The following CHL1 variants were observed in gnomAD, a reference collection of about 807,000 sequenced individuals.
CHL1 encodes cell adhesion molecule L1 like.
A neutral mutation model predicts 141.9 loss-of-function variants in CHL1; 96 were observed. The ratio of observed to expected loss-of-function variants is 0.68; its 90% confidence interval spans 0.57 to 0.80. The LOEUF (loss-of-function observed/expected upper bound fraction) is 0.80. Ranked by LOEUF, CHL1 falls within the 30% of genes least tolerant of loss-of-function variation. The pLI is 0.00. For missense variants in CHL1, 1,820 were observed against 1,457.2 expected (o/e 1.25, Z -4.05); for synonymous variants, 613 against 502.2 (o/e 1.22, Z -2.95).
intron 11 of CHL1, 28 bp downstream of exon 11, chr3:354,799 A>G (rs1703574944): frequency 3.7e-6 from 6 of 1,611,728 alleles, no homozygotes; most frequent in South Asian, 1.1e-5. Flanking sequence ...TTGCAATGCA[A>G]TGCTGAAGGC....
intron 3 of CHL1, among the ~76,000 whole-genome samples, chr3:321,428 A>T (rs1233727754): frequency 6.6e-6 from 1 of 152,054 alleles, no homozygotes; most frequent in Non-Finnish European, 1.5e-5. Flanking sequence ...AAGTACCTTC[A>T]TCTTTAGTGA....
chr3:337,195 T>A (rs1399518183), intron 5 of CHL1, among the ~76,000 whole-genome samples: 3 of 145,272 alleles, frequency 2.1e-5, no homozygotes, highest in African/African-American at 7.6e-5. Context: ...GTTTTTGTTT[T>A]TTTTTTTTTT....
chr3:248,784 A>C (rs116751087), intron 2 of CHL1, among the ~76,000 whole-genome samples: 50 of 152,262 alleles, frequency 3.3e-4, no homozygotes, highest in African/African-American at 1.2e-3. Flanking sequence ...TATAATCACC[A>C]TTAAATTATT....
intron 3 of CHL1, among the ~76,000 whole-genome samples, chr3:324,605 C>CTTTATTTATTTA (rs60745240): frequency 7.5e-5 from 11 of 146,018 alleles, no homozygotes; most frequent in African/African-American, 2.5e-4. Flanking sequence ...TCACTTCCTA[C>CTTTATTTATTTA]TTTATTTATT....
chr3:220,945 C>T (rs1314999927), intron 1 of CHL1, among the ~76,000 whole-genome samples: 2 of 152,148 alleles, frequency 1.3e-5, no homozygotes, highest in African/African-American at 4.8e-5. Context: ...TACCTGGAGG[C>T]CTCATCTGGA....
At chr3:267,649 A>G (rs575560504) in intron 2 of CHL1, among the ~76,000 whole-genome samples, 6 of 152,290 alleles carry the variant, frequency 3.9e-5, no homozygotes, top group Middle Eastern at 3.4e-3. Flanking sequence ...TTTAAAATTA[A>G]CACCTAATTA....
intron 2 of CHL1, among the ~76,000 whole-genome samples, chr3:316,291 C>T (rs554540753): frequency 1.3e-5 from 2 of 151,966 alleles, no homozygotes; most frequent in East Asian, 1.9e-4. Flanking sequence ...AAAACCTTAC[C>T]GAGGACTCTA....
intron 6 of CHL1, among the ~76,000 whole-genome samples, chr3:341,618 T>A (rs906547624): frequency 3.3e-5 from 5 of 152,198 alleles, no homozygotes. Flanking sequence ...CCAATTCAGA[T>A]TCATAGGGCA....
At chr3:367,100 TA>T (rs1425162812) in intron 15 of CHL1, among the ~76,000 whole-genome samples, 2 of 152,236 alleles carry the variant, frequency 1.3e-5, no homozygotes, top group African/African-American at 2.4e-5. Context: ...GGATGCTTAA[TA>T]GCACTAGATG....
chr3:338,865 C>T (rs114226854), intron 5 of CHL1, among the ~76,000 whole-genome samples: 1 of 152,106 alleles, frequency 6.6e-6, no homozygotes, highest in Non-Finnish European at 1.5e-5. Context: ...GATGATAATG[C>T]TTCAGTGGCA....
intron 2 of CHL1, chr3:309,051 T>TC (rs1699508369): frequency 1.3e-5 from 2 of 152,396 alleles, no homozygotes; most frequent in African/African-American, 4.8e-5. Context: ...AGGGCCCCGG[T>TC]GCAGGCCGGC....
At chr3:354,472 A>G (rs1703529761) in intron 10 of CHL1, among the ~76,000 whole-genome samples, 168 bp from the exon 11 acceptor site, 1 of 151,966 alleles carries the variant, frequency 6.6e-6, no homozygotes, top group South Asian at 2.1e-4. Context: ...ATACAACACA[A>G]AAGCAGCTCC....
At chr3:371,232 G>C (rs1265358228) in intron 15 of CHL1, among the ~76,000 whole-genome samples, 1 of 152,144 alleles carries the variant, frequency 6.6e-6, no homozygotes, top group East Asian at 1.9e-4. Context: ...TATTGTGTGG[G>C]AGTCTCAGTG....
rs575292161 is a variant in CHL1, at chr3:236,421, G to T, written c.-174-8192G>T. 3.9e-5 allele frequency among the ~76,000 whole-genome samples: 6 copies of T among 152,280 alleles called. No individual in the cohort carries two copies. The South Asian group carries it at 1.0e-3, about 26-fold the overall frequency. On this transcript the variant is annotated intron_variant, in intron 1 of 27. Transcript: ENST00000256509. Reference sequence around the variant, plus strand: ...GGTCAGCCTTCTATAGGGAAGGGAAGTGTTCTTGAGAATGTGTCTTGGTTC... The same window carrying T: ...GGTCAGCCTTCTATAGGGAAGGGAATTGTTCTTGAGAATGTGTCTTGGTTC...
intron 2 of CHL1, among the ~76,000 whole-genome samples, chr3:296,282 A>C (rs1261013930): frequency 6.6e-6 from 1 of 152,206 alleles, no homozygotes; most frequent in African/African-American, 2.4e-5. Flanking sequence ...ATCGAAATTA[A>C]GACTTGTTGC....
At chr3:207,600 C>CATCTA (rs1382249435) in intron 1 of CHL1, among the ~76,000 whole-genome samples, 62 of 152,318 alleles carry the variant, frequency 4.1e-4, no homozygotes, top group Middle Eastern at 3.4e-3. Flanking sequence ...TAACATCTAT[C>CATCTA]ACCTATATCT....
intron 2 of CHL1, among the ~76,000 whole-genome samples, chr3:314,327 GTGTATATATATATATATATA>G (rs140370743): frequency 0.29 from 16,402 of 56,860 alleles, 1,715 homozygotes; most frequent in African/African-American, 0.36. Flanking sequence ...CTCTCTCTAT[GTGTATATATATATATATATA>G]TATATATATA....
chr3:243,124 C>A (rs1478332258), intron 1 of CHL1, among the ~76,000 whole-genome samples: 1 of 152,140 alleles, frequency 6.6e-6, no homozygotes, highest in Non-Finnish European at 1.5e-5. Context: ...AAAGAACATT[C>A]TAGATTAAGT....
chr3:303,104 T>C (rs1187763705), intron 2 of CHL1, among the ~76,000 whole-genome samples: 1 of 152,176 alleles, frequency 6.6e-6, no homozygotes, highest in Non-Finnish European at 1.5e-5. Context: ...GGTCTATATA[T>C]CTGTTTTGGT....
Sources: allele counts gnomAD v4.1 joint callset (sites outside exome capture counted in the v4.1 genomes callset), GRCh38; gene constraint gnomAD v4.1.1; transcripts MANE v1.5; gene names NCBI Gene and HGNC (gene_info 2026-07-23, HGNC 2026-07-21).